The following NAPRT variants were observed in gnomAD, a reference collection of about 807,000 sequenced individuals.
The protein encoded by NAPRT is FHA-HIT-interacting protein.
A neutral mutation model predicts 60.7 loss-of-function variants in NAPRT; 66 were observed. The ratio of observed to expected loss-of-function variants is 1.09; its 90% CI spans 0.89 to 1.33. The LOEUF (loss-of-function observed/expected upper bound fraction) is 1.33. Among genes scored for constraint, NAPRT ranks in the 40% most tolerant of loss-of-function variants. NAPRT has a pLI of 0.00. For missense variants in NAPRT, 818 were observed against 731.5 expected (o/e 1.12, Z -1.36); for synonymous variants, 405 against 335.7 (o/e 1.21, Z -2.26).
Position 143,576,727 on chromosome 8 carries a change from C to T in NAPRT, c.800G>A (p.Gly267Asp). The T allele has an allele frequency of 6.2e-7, 1 of 1,609,008 alleles. No individual in the cohort carries two copies. Among genetic ancestry groups the T allele is most frequent in the Non-Finnish European group, 8.5e-7 (1 of 1,179,068 alleles). The stretch of plus-strand genomic sequence containing the variant: ...ATAGGCCACAAAGGCTGCCCGCTCG[C>T]CTGGATGCGGCTCCTGCACCCCCAG... ...LGLGVQEPHP[G>D]ERAAFVAYAL... The change falls in exon 6 of 13, where the codon GGC becomes GAC. Residue 267 changes from glycine to aspartate, a missense_variant. Transcript: ENST00000449291.
At chr8:143,576,876 G>C (rs908754466) in intron 5 of NAPRT, 34 bp from the exon 6 acceptor site, 1 of 1,570,040 alleles carries the variant, frequency 6.4e-7, no homozygotes, top group Non-Finnish European at 8.7e-7. Context: ...ATGGGGGCCA[G>C]GAATGCAGGA....
Position 143,577,917 on chromosome 8 carries a change from G to T in NAPRT, c.253C>A (p.Pro85Thr), listed in dbSNP as rs1396067050. 4.3e-6 allele frequency: 7 copies of T among 1,611,550 alleles called. No individual in the cohort carries two copies. The highest frequency in any genetic ancestry group is 2.2e-5 in the East Asian group (1 of 44,808). ...ADVQFLASVLPPDTDPAFFEH... is the reference protein window; with the variant it reads ...ADVQFLASVLTPDTDPAFFEH... ...AAGAACGCAGGATCCGTGTCTGGGG[G>T]CAGCACCGAGGCCAGGAACTGCACG... The change falls in exon 2 of 13, where the codon CCC (proline) becomes ACC (threonine). Residue 85 changes from proline (P) to threonine (T), a missense_variant. Pro to Thr is a conservative substitution (Grantham distance 38). Transcript: ENST00000449291.
At chr8:143,575,594 C>T (rs1244906452) in intron 9 of NAPRT, 28 bp downstream of exon 9, 1 of 1,585,860 alleles carries the variant, frequency 6.3e-7, no homozygotes, top group Admixed American at 1.8e-5. Context: ...AGACCTGCCC[C>T]CACCTGGGCC....
downstream of NAPRT, chr8:143,573,034 C>T (rs1824164077): frequency 2.6e-6 from 1 of 389,154 alleles, no homozygotes; most frequent in African/African-American, 2.1e-5. Context: ...CCCTGACTAC[C>T]AGCCCCTGTT....
rs147730322 is a variant in NAPRT at position 143,577,840 on chromosome 8, G to A, written c.330C>T (p.Pro110=). ...CTCCGGGGAAGGCGAGGGAGCCCTC[G>A]GGCAGGGCTCGCACCGTCACCTCGG... is the stretch of plus-strand genomic sequence containing the variant. The part of the protein sequence containing the change: ...DCSEVTVRAL[P]EGSLAFPGVP... Residue 110 remains proline, a synonymous_variant, in exon 2 of 13, where the codon CCC becomes CCT. Transcript: ENST00000449291. The A allele has an allele frequency of 2.0e-5, 32 of 1,611,030 alleles. No homozygotes were observed. In the African/African-American group the frequency reaches 2.4e-4, roughly 12 times the overall value.
rs1429793921 is a variant in NAPRT at position 143,578,182 on chromosome 8, C to T, written c.137G>A (p.Arg46His). 4 of 1,514,750 alleles carry T rather than the reference C, an allele frequency of 2.6e-6. No homozygotes were observed. In the African/African-American group the frequency reaches 4.3e-5, roughly 16 times the overall value. The allele number at this position is 1,514,750 out of a possible 1,614,324, so 93.8% of individuals were successfully genotyped here. A position where few individuals can be genotyped will look rare whatever the true frequency, so the allele number is the denominator to read the frequency against. The change falls in exon 1 of 13, where the codon CGC (arginine) becomes CAC (histidine). Residue 46 changes from arginine to histidine, a missense_variant. Coordinates refer to ENST00000449291, the MANE Select transcript of NAPRT (RefSeq NM_145201.6). Reference sequence around the variant, plus strand: ...GAAGGCGCCGCCGAACGGGCAGCGGCGGAAGAAGAGCTCGAACTCGGCGGC... The same window carrying T: ...GAAGGCGCCGCCGAACGGGCAGCGGTGGAAGAAGAGCTCGAACTCGGCGGC... ...RDAAEFELFFRRCPFGGAFAL... is the reference protein window; with the variant it reads ...RDAAEFELFFHRCPFGGAFAL...
Position 143,576,575 on chromosome 8 carries a change from G to A in NAPRT, c.882-3C>T, listed in dbSNP as rs759810842. 1.6e-5 allele frequency: 25 copies of A among 1,610,156 alleles called. No homozygotes were observed. Among genetic ancestry groups the A allele is most frequent in the Middle Eastern group, 3.3e-4 (2 of 6,062 alleles). On this transcript the variant is annotated splice_region_variant and splice_polypyrimidine_tract_variant and intron_variant, in intron 6 of 12. Transcript: ENST00000449291. ...CTAGGAAGTTGGGGAGACCACTCCTGCAGAAATAGATAAGGGAGTCAGAGG... is the reference window on the plus strand; with the variant it reads ...CTAGGAAGTTGGGGAGACCACTCCTACAGAAATAGATAAGGGAGTCAGAGG...
At position 143,576,582 on chromosome 8, in the gene NAPRT, T is replaced by C. The variant is rs199600305; in HGVS notation, c.882-10A>G. ...GTTGGGGAGACCACTCCTGCAGAAA[T>C]AGATAAGGGAGTCAGAGGCTGCTGA... On this transcript the variant is annotated splice_polypyrimidine_tract_variant and intron_variant, in intron 6 of 12. Coordinates refer to ENST00000449291, the MANE Select transcript of NAPRT (RefSeq NM_145201.6). 2.6e-5 allele frequency: 42 copies of C among 1,608,734 alleles called. No individual in the cohort carries two copies. Among genetic ancestry groups the C allele is most frequent in the Admixed American group, 1.2e-4 (7 of 59,636 alleles).
Position 143,574,832 on chromosome 8 carries a change from C to A in NAPRT, c.*6G>T. The A allele has an allele frequency of 3.2e-6, 5 of 1,550,684 alleles. No homozygotes were observed. The highest frequency in any genetic ancestry group is 4.4e-6 in the Non-Finnish European group (5 of 1,146,990). ...GTGTTGTTTCCAGTCAGCCCCGCTC[C>A]GAGTCTCAGGGGGACTGCCCCGCAC... On this transcript the variant is annotated 3_prime_UTR_variant, in exon 13 of 13. Transcript: ENST00000449291.
At chr8:143,576,315 GC>G (rs1824451291) in intron 7 of NAPRT, 116 bp downstream of exon 7, 1 of 1,444,592 alleles carries the variant, frequency 6.9e-7, no homozygotes, top group Non-Finnish European at 9.4e-7. Context: ...TTACTTCCCT[GC>G]CACGGCCTGC....
At position 143,578,075 on chromosome 8, in the gene NAPRT, G is replaced by T. The variant is rs755920516; in HGVS notation, c.226+18C>A. The T allele has an allele frequency of 2.7e-6, 4 of 1,502,290 alleles. No homozygotes were observed. The highest frequency in any genetic ancestry group is 3.5e-6 in the Non-Finnish European group (4 of 1,132,554). 93.1% of individuals were successfully genotyped at this position (1,502,290 alleles called of 1,614,324 possible). A position where few individuals can be genotyped will look rare whatever the true frequency, so the allele number is the denominator to read the frequency against. ...TTCTGCCGGGCGTGGGGGGCTCGTC[G>T]CGCGGACGGGGGACTACCGGCGTCC... On this transcript the variant is annotated intron_variant, in intron 1 of 12. Coordinates refer to ENST00000449291, the MANE Select transcript of NAPRT (RefSeq NM_145201.6).
rs146015422 is a variant in NAPRT, at chr8:143,577,072, G to A, written c.674C>T (p.Pro225Leu). The change falls in exon 5 of 13, where the codon CCC becomes CTC. Residue 225 changes from proline (P) to leucine (L), a missense_variant. Physicochemically the swap from Pro to Leu is moderately conservative, Grantham distance 98 (BLOSUM62 -3). Transcript: ENST00000449291. ...FVTSFSGSEV[P>L]PDPMLAPAAG... is the part of the protein sequence containing the mutation. ...AGAGGAGGGACTGACCGGGTCAGGGGGCACCTCGCTGCCTGAAAAGGAAGT... is the reference window on the plus strand; with the variant it reads ...AGAGGAGGGACTGACCGGGTCAGGGAGCACCTCGCTGCCTGAAAAGGAAGT... The A allele has an allele frequency of 1.6e-5, 25 of 1,612,732 alleles. No homozygotes were observed. Among genetic ancestry groups the A allele is most frequent in the Middle Eastern group, 3.3e-4 (2 of 6,084 alleles).
At position 143,574,982 on chromosome 8, in the gene NAPRT, C is replaced by T; in HGVS notation, c.1554+4G>A. ...CAGAATGACAGGGTGGGCCTCCCCC[C>T]AACCTGGTACTGTGCAGGGCTCCGC... is the stretch of plus-strand genomic sequence containing the variant. On this transcript the variant is annotated splice_donor_region_variant and intron_variant, in intron 12 of 12. Transcript: ENST00000449291. 1 of 1,542,542 alleles carries T rather than the reference C, an allele frequency of 6.5e-7. No individual in the cohort carries two copies. Among genetic ancestry groups the T allele is most frequent in the South Asian group, 1.2e-5 (1 of 82,896 alleles).
In NAPRT at chr8:143,576,985, G is replaced by A. The variant is rs1053525190; in HGVS notation, c.684+77C>T. 5.2e-6 allele frequency: 8 copies of A among 1,536,828 alleles called. No individual in the cohort carries two copies. In the African/African-American group the frequency reaches 8.2e-5, roughly 16 times the overall value. Reference sequence around the variant, plus strand: ...CAGCACTGGGGTGACCTGCCTGGGTGGCACACCTCTCGCCAGGGCAAGGGC... The same window carrying A: ...CAGCACTGGGGTGACCTGCCTGGGTAGCACACCTCTCGCCAGGGCAAGGGC... On this transcript the variant is annotated intron_variant, in intron 5 of 12. Transcript: ENST00000449291.
chr8:143,576,225 T>G (rs1169878452), intron 7 of NAPRT, 63 bp from the exon 8 acceptor site: 1 of 1,450,896 alleles, frequency 6.9e-7, no homozygotes, highest in Non-Finnish European at 9.3e-7. Context: ...CACCCTGGTG[T>G]CCCCCTGCTC....
intron 3 of NAPRT, 74 bp from the exon 4 acceptor site, chr8:143,577,473 C>T (rs1563934531): frequency 2.6e-6 from 4 of 1,513,038 alleles, no homozygotes; most frequent in Non-Finnish European, 3.6e-6. Flanking sequence ...TTACCTGGGG[C>T]CTGGAACTTC....
chr8:143,578,038 A>C, intron 1 of NAPRT, 55 bp downstream of exon 1: 1 of 1,465,176 alleles, frequency 6.8e-7, no homozygotes, highest in Non-Finnish European at 9.2e-7. Context: ...TCCACCGGCC[A>C]TAGGTGGGGG....
In NAPRT at chr8:143,576,738, C is replaced by A. The variant is rs904516911; in HGVS notation, c.789G>T (p.Glu263Asp). The change falls in exon 6 of 13, where the codon GAG (glutamate) becomes GAT (aspartate). Residue 263 changes from glutamate (E) to aspartate (D), a missense_variant. By Grantham distance (45) the Glu-to-Asp change is conservative. Coordinates refer to ENST00000449291, the MANE Select transcript of NAPRT (RefSeq NM_145201.6). ...VCAHLGLGVQ[E>D]PHPGERAAFV... is the part of the protein sequence containing the mutation. ...AGGCTGCCCGCTCGCCTGGATGCGGCTCCTGCACCCCCAGCCCCAGGTGGG... is the reference window on the plus strand; with the variant it reads ...AGGCTGCCCGCTCGCCTGGATGCGGATCCTGCACCCCCAGCCCCAGGTGGG... The A allele has an allele frequency of 4.4e-6, 7 of 1,608,184 alleles. No homozygotes were observed. In the South Asian group the frequency reaches 5.5e-5, roughly 13 times the overall value.
At position 143,575,344 on chromosome 8, in the gene NAPRT, C is replaced by T. The variant is rs752094147; in HGVS notation, c.1293G>A (p.Gly431=). The part of the protein sequence containing the change: ...KAAFRLLGSD[G]SPLMDMLQLA... The stretch of plus-strand genomic sequence containing the variant: ...ACTGCAGCATGTCCATGAGTGGAGA[C>T]CCTGTGTGGACGGGGCAAGAATAAG... The change falls in exon 11 of 13, where the codon GGG becomes GGA. Residue 431 remains glycine (G), a splice_region_variant and synonymous_variant. Transcript: ENST00000449291. 3 of 1,610,814 alleles carry T rather than the reference C, an allele frequency of 1.9e-6. No homozygotes were observed. The highest frequency in any genetic ancestry group is 1.1e-5 in the South Asian group (1 of 91,022).
Sources: allele counts gnomAD v4.1 joint callset, GRCh38; gene constraint gnomAD v4.1.1; transcripts MANE v1.5; gene names NCBI Gene and HGNC (gene_info 2026-07-23, HGNC 2026-07-21).